Variants in MYO9B observed in about 807,000 individuals in gnomAD.
The protein encoded by MYO9B is unconventional myosin-IXb.
In MYO9B, 71 loss-of-function variants were observed where a neutral mutation model predicts 229.5. The observed-to-expected ratio is 0.31, with a 90% CI of 0.26 to 0.38. The LOEUF is 0.38. Ranked by LOEUF, MYO9B falls within the 10% of genes least tolerant of loss-of-function variation. The probability of loss-of-function intolerance (pLI) is 1.00; values close to 1 mark genes in which losing one functional copy is unlikely to be tolerated. For synonymous variants in MYO9B, 1,185 were observed against 1,235.8 expected, an observed-to-expected ratio of 0.96 and a Z score of 0.86; for missense variants, 2,255 against 2,920.5, an observed-to-expected ratio of 0.77 and a Z score of 5.25.
intron 1 of MYO9B, among the ~76,000 whole-genome samples, chr19:17,085,414 G>A (rs1401280038): frequency 6.6e-6 from 1 of 152,090 alleles, no homozygotes; most frequent in African/African-American, 2.4e-5. Flanking sequence ...GGGCCAGGTA[G>A]CGAGCCACCT....
chr19:17,132,751 C>A (rs1403063759), intron 2 of MYO9B, among the ~76,000 whole-genome samples: 1 of 149,146 alleles, frequency 6.7e-6, no homozygotes, highest in Non-Finnish European at 1.5e-5. Flanking sequence ...TGGTCTTGAA[C>A]TCCTGACCTC....
intron 3 of MYO9B, among the ~76,000 whole-genome samples, chr19:17,149,136 G>A (rs542004721): frequency 1.3e-5 from 2 of 151,934 alleles, no homozygotes; most frequent in East Asian, 3.9e-4. Flanking sequence ...CCCCACACCT[G>A]GCTAATTTTT....
rs570787228 is a variant in MYO9B at position 17,206,565 on chromosome 19, T to C, written c.5387-114T>C. On this transcript the variant is annotated intron_variant, in intron 33 of 39. Transcript: ENST00000682292. ...GGACACCTCTGTAGCCATCCATTCT[T>C]GCCTGGGCACCACAGGGTGGATGGC... 74 of 1,306,250 alleles carry C rather than the reference T, an allele frequency of 5.7e-5. No individual in the cohort carries two copies. In the South Asian group the frequency reaches 9.1e-4, roughly 16 times the overall value. The allele number at this position is 1,306,250 out of a possible 1,614,324, so 80.9% of individuals were successfully genotyped here.
intron 2 of MYO9B, among the ~76,000 whole-genome samples, chr19:17,131,714 C>T (rs1361575873): frequency 6.6e-6 from 1 of 152,200 alleles, no homozygotes; most frequent in Admixed American, 6.6e-5. Context: ...GGCATCCCCA[C>T]TGGGCCCACA....
At position 17,212,181 on chromosome 19, in the gene MYO9B, G is replaced by A. The variant is rs747621282; in HGVS notation, c.6345G>A (p.Gly2115=). 3.2e-6 allele frequency: 5 copies of A among 1,581,138 alleles called. No individual in the cohort carries two copies. The highest frequency in any genetic ancestry group is 1.8e-5 in the Admixed American group (1 of 54,730). Residue 2115 remains glycine (G), a synonymous_variant, in exon 40 of 40, where the codon GGG becomes GGA. Transcript: ENST00000682292. This position sits in a 1 kb window ranked among gnomAD's most constrained non-coding sequence, Gnocchi z 5.4. The part of the protein sequence containing the change: ...DQIHSVYITP[G]ADLPVQGALE... ...TACATTCCGTGTACATCACGCCCGG[G>A]GCAGACCTGCCAGTGCAGGGCGCCC...
chr19:17,206,716 T>C lies in MYO9B; in HGVS notation c.5424T>C (p.Tyr1808=). ...PEKQEQLAAI[Y]AVLEHLPEAN... ...AGCAGGAGCAGCTGGCTGCCATCTA[T>C]GCCGTCCTGGAGCACCTTCCAGAAG... The change falls in exon 34 of 40, where the codon TAT becomes TAC. Residue 1808 remains tyrosine, a synonymous_variant. Transcript: ENST00000682292. The C allele has an allele frequency of 6.3e-7, 1 of 1,588,310 alleles. No homozygotes were observed. Among genetic ancestry groups the C allele is most frequent in the Non-Finnish European group, 8.6e-7 (1 of 1,168,326 alleles).
At position 17,172,241 on chromosome 19, in the gene MYO9B, A is replaced by G; in HGVS notation, c.1794-95A>G. 1 of 1,389,432 alleles carries G rather than the reference A, an allele frequency of 7.2e-7. No homozygotes were observed. The highest frequency in any genetic ancestry group is 2.6e-5 in the East Asian group (1 of 38,394). The allele number at this position is 1,389,432 out of a possible 1,614,324, so 86.1% of individuals were successfully genotyped here. ...ACTGCTCTGCCCACCCCATGCACCCACCCACCTCGTGCACCAGGGGTCTGC... is the reference window on the plus strand; with the variant it reads ...ACTGCTCTGCCCACCCCATGCACCCGCCCACCTCGTGCACCAGGGGTCTGC... On this transcript the variant is annotated intron_variant, in intron 11 of 39. Coordinates refer to ENST00000682292, the MANE Select transcript of MYO9B (RefSeq NM_004145.4). This position sits in a 1 kb window ranked among gnomAD's most constrained non-coding sequence, Gnocchi z 8.2.
rs1400285744 is a variant in MYO9B, at chr19:17,205,278, G to C, written c.5006G>C (p.Cys1669Ser). 6.2e-7 allele frequency: 1 copy of C among 1,613,778 alleles called. No individual in the cohort carries two copies. Among genetic ancestry groups the C allele is most frequent in the South Asian group, 1.1e-5 (1 of 91,080 alleles). The change falls in exon 31 of 40, where the codon TGC becomes TCC. Residue 1669 changes from cysteine (C) to serine (S), a missense_variant. By Grantham distance (112) the Cys-to-Ser change is moderately radical. Coordinates refer to ENST00000682292, the MANE Select transcript of MYO9B (RefSeq NM_004145.4). Reference protein sequence around the residue: ...ALLCSVCKMTCHKKCVHKIQS... With the variant: ...ALLCSVCKMTSHKKCVHKIQS... The stretch of plus-strand genomic sequence containing the variant: ...GACCTCCTAGTGTGCAAGATGACCT[G>C]CCACAAGAAGTGCGTGCACAAGATT...
rs142683299 is a variant in MYO9B at position 17,122,732 on chromosome 19, G to T, written c.840+20175G>T. ...ACAGGCAGGTATCAGTTAGCAGGCA[G>T]GAAAGAGGTTCAACCATGGTGGACA... On this transcript the variant is annotated intron_variant, in intron 2 of 39. Coordinates refer to ENST00000682292, the MANE Select transcript of MYO9B (RefSeq NM_004145.4). Among the ~76,000 whole-genome samples the T allele has an allele frequency of 1.2e-4, 18 of 152,304 alleles. No individual in the cohort carries two copies. In the East Asian group the frequency reaches 3.3e-3, roughly 28 times the overall value.
intron 2 of MYO9B, among the ~76,000 whole-genome samples, chr19:17,139,222 C>A (rs540189462): frequency 6.6e-6 from 1 of 151,984 alleles, no homozygotes; most frequent in Non-Finnish European, 1.5e-5. Flanking sequence ...TTCTAGGCTA[C>A]AAACCTGTAC....
At chr19:17,152,782 A>T in intron 4 of MYO9B, 76 bp downstream of exon 4, 1 of 1,343,352 alleles carries the variant, frequency 7.4e-7, no homozygotes, top group Non-Finnish European at 1.1e-6. Flanking sequence ...AGAGAAGCAA[A>T]GCAAACGTCC....
intron 19 of MYO9B, 150 bp downstream of exon 19, chr19:17,188,195 G>T (rs55660319): frequency 0.023 from 13,644 of 598,398 alleles, 232 homozygotes; most frequent in Non-Finnish European, 0.03. Context: ...TTGGGAGGCT[G>T]AGGCAGGCGG....
chr19:17,200,846 A>T lies in MYO9B; in HGVS notation c.4563+17A>T. On this transcript the variant is annotated intron_variant, in intron 26 of 39. Coordinates refer to ENST00000682292, the MANE Select transcript of MYO9B (RefSeq NM_004145.4). ...CTCAACAAGGTGGGATCACTAGGCG[A>T]GGGCCAGGGGCATGAGGCCCGGTCC... The T allele has an allele frequency of 6.2e-7, 1 of 1,611,484 alleles. No individual in the cohort carries two copies. Among genetic ancestry groups the T allele is most frequent in the Non-Finnish European group, 8.5e-7 (1 of 1,177,896 alleles).
intron 14 of MYO9B, chr19:17,178,543 AT>A (rs1252214471): frequency 2.0e-5 from 3 of 151,958 alleles, no homozygotes; most frequent in Non-Finnish European, 4.4e-5. Context: ...TGTCAAAAAC[AT>A]TTGTCATTTA....
At chr19:17,153,012 C>A (rs567301277) in intron 4 of MYO9B, among the ~76,000 whole-genome samples, 1 of 152,164 alleles carries the variant, frequency 6.6e-6, no homozygotes, top group Non-Finnish European at 1.5e-5. Flanking sequence ...CATGGTAGCA[C>A]GTGCCTGTAG....
At position 17,211,939 on chromosome 19, in the gene MYO9B, A is replaced by AC; in HGVS notation, c.6103_6104insC (p.Ser2035ThrfsTer165). Reference sequence around the variant, plus strand: ...CCCTTGCCCCGGCGCGCCCACCCCGAGCCCCCTCCCCACCGTGGCCGCCCC... The same window carrying AC: ...CCCTTGCCCCGGCGCGCCCACCCCGACGCCCCCTCCCCACCGTGGCCGCCCC... On this transcript the variant is annotated frameshift_variant, in exon 40 of 40. Coordinates refer to ENST00000682292, the MANE Select transcript of MYO9B (RefSeq NM_004145.4). LOFTEE classifies it low-confidence loss of function (END_TRUNC). The AC allele has an allele frequency of 1.3e-6, 1 of 778,474 alleles. No homozygotes were observed. The highest frequency in any genetic ancestry group is 3.9e-4 in the Middle Eastern group (1 of 2,564). The allele number at this position is 778,474 out of a possible 1,614,324, so 48.2% of individuals were successfully genotyped here. A position where few individuals can be genotyped will look rare whatever the true frequency, so the allele number is the denominator to read the frequency against.
At chr19:17,177,200 C>CA (rs1255569848) in intron 14 of MYO9B, among the ~76,000 whole-genome samples, 2 of 149,986 alleles carry the variant, frequency 1.3e-5, no homozygotes, top group Non-Finnish European at 3.0e-5. Context: ...GACTCTGTCT[C>CA]AAAAAAAAGT....
At chr19:17,130,224 A>G (rs1208867486) in intron 2 of MYO9B, among the ~76,000 whole-genome samples, 1 of 152,064 alleles carries the variant, frequency 6.6e-6, no homozygotes, top group East Asian at 1.9e-4. Context: ...TAATCCCAGC[A>G]CTTTGGGAGG....
chr19:17,126,456 A>T (rs893027445), intron 2 of MYO9B, among the ~76,000 whole-genome samples: 17 of 152,162 alleles, frequency 1.1e-4, no homozygotes, highest in African/African-American at 4.1e-4. Flanking sequence ...CTCTTTTCTC[A>T]CGAAAACCAG....
Sources: gnomAD v4.1 joint callset for allele counts (sites outside exome capture counted in the v4.1 genomes callset) on GRCh38, gnomAD v4.1.1 for gene constraint, Gnocchi (gnomAD v3.1) non-coding constraint, MANE v1.5 for transcripts, NCBI Gene and HGNC (gene_info 2026-07-23, HGNC 2026-07-21) for gene names.